The following PCDHA8 variants were observed in gnomAD, a reference collection of about 807,000 sequenced individuals.
PCDHA8 encodes protocadherin alpha-8.
In PCDHA8, 53 loss-of-function variants were observed where a neutral mutation model predicts 61.8. That is an observed-to-expected ratio of 0.86 (90% confidence interval 0.69 to 1.08). The LOEUF is 1.08. Ranked by LOEUF, PCDHA8 falls within the 50% of genes least tolerant of loss-of-function variation. The pLI is 0.00. For synonymous variants in PCDHA8, 618 were observed against 556.6 expected (o/e 1.11, Z -1.55); for missense variants, 1,293 against 1,245.0 (o/e 1.04, Z -0.58).
At chr5:141,006,689 G>C (rs1249412460) in intron 3 of PCDHA8, among the ~76,000 whole-genome samples, 3 of 152,072 alleles carry the variant, frequency 2.0e-5, no homozygotes, top group African/African-American at 7.2e-5. Flanking sequence ...TGGGAGAAGA[G>C]GACAGAGTCA....
In PCDHA8 at chr5:140,989,027, CATT is replaced by C. The variant is rs1413017003; in HGVS notation, c.2542+6465_2542+6467del. The C allele has an allele frequency of 1.4e-4, 22 of 152,178 alleles. 1 individual carries two copies. The highest frequency in any genetic ancestry group is 1.4e-3 in the Admixed American group (22 of 15,274). The allele number at this position is 152,178 out of a possible 1,614,324, so 9.4% of individuals were successfully genotyped here. A position where few individuals can be genotyped will look rare whatever the true frequency, so the allele number is the denominator to read the frequency against. ...GACTTATTATAGTTTCTTCAGTTAT[CATT>C]GATTCCTTTAATATGCCAGCTACAT... On this transcript the variant is annotated intron_variant, in intron 3 of 3. Transcript: ENST00000531613.
intron 1 of PCDHA8, among the ~76,000 whole-genome samples, chr5:140,890,240 A>C (rs1554184230): frequency 6.6e-6 from 1 of 152,138 alleles, no homozygotes; most frequent in African/African-American, 2.4e-5. Flanking sequence ...AGCATTTACC[A>C]GTACACTACT....
chr5:140,984,359 T>A (rs1372089743), intron 3 of PCDHA8, among the ~76,000 whole-genome samples: 1 of 152,242 alleles, frequency 6.6e-6, no homozygotes, highest in Non-Finnish European at 1.5e-5. Flanking sequence ...ATTTCATACA[T>A]CTGGCCAAGT....
intron 1 of PCDHA8, among the ~76,000 whole-genome samples, chr5:140,972,732 C>T (rs2096552874): frequency 1.3e-5 from 2 of 149,646 alleles, no homozygotes; most frequent in Non-Finnish European, 3.0e-5. Flanking sequence ...GGCGTAATCC[C>T]GGCTCACTGC....
intron 1 of PCDHA8, chr5:140,857,553 C>A: frequency 1.3e-6 from 2 of 1,597,008 alleles, no homozygotes; most frequent in Non-Finnish European, 1.7e-6. Flanking sequence ...GGCGAGCGCT[C>A]GCTGTCGAGC....
Position 141,011,633 on chromosome 5 carries a change from G to C in PCDHA8, c.*1696G>C, listed in dbSNP as rs988824031. On this transcript the variant is annotated 3_prime_UTR_variant, in exon 4 of 4. Coordinates refer to ENST00000531613, the MANE Select transcript of PCDHA8 (RefSeq NM_018911.3). ...TTATGGTCCAGCCAAGAGCCATCTC[G>C]TGCCAAGACTTCTGCTGGCAAGGGA... 6.5e-6 allele frequency: 1 copy of C among 153,624 alleles called. No homozygotes were observed. Among genetic ancestry groups the C allele is most frequent in the Non-Finnish European group, 1.5e-5 (1 of 68,022 alleles). 9.5% of individuals were successfully genotyped at this position (153,624 alleles called of 1,614,324 possible). A position where few individuals can be genotyped will look rare whatever the true frequency, so the allele number is the denominator to read the frequency against.
chr5:140,852,582 ATT>A (rs527656692), intron 1 of PCDHA8: 197 of 691,142 alleles, frequency 2.9e-4, no homozygotes, highest in Middle Eastern at 7.5e-4. Context: ...AGGCTTTTTT[ATT>A]TTTTTTTTTT....
chr5:140,856,559 C>T (rs782226001), intron 1 of PCDHA8: 3 of 1,598,104 alleles, frequency 1.9e-6, no homozygotes, highest in Non-Finnish European at 2.6e-6. Context: ...TACTTACAAA[C>T]TCAGTCCAAA....
At chr5:140,867,257 T>C (rs1396352368) in intron 1 of PCDHA8, 1 of 152,138 alleles carries the variant, frequency 6.6e-6, no homozygotes, top group Non-Finnish European at 1.5e-5. Flanking sequence ...TGTTGTTTCC[T>C]TTTGTTCAAA....
chr5:140,942,589 T>G (rs1444015331), intron 1 of PCDHA8, among the ~76,000 whole-genome samples: 1 of 148,934 alleles, frequency 6.7e-6, no homozygotes, highest in Non-Finnish European at 1.5e-5. Flanking sequence ...GGATGTCACA[T>G]ATAATTATAG....
chr5:140,967,156 G>T, intron 1 of PCDHA8: 1 of 1,610,540 alleles, frequency 6.2e-7, no homozygotes, highest in Non-Finnish European at 8.5e-7. Context: ...ACCCCGTGGC[G>T]GTGAGCGCCG....
At chr5:140,887,284 G>T (rs1374515637) in intron 1 of PCDHA8, among the ~76,000 whole-genome samples, 1 of 152,044 alleles carries the variant, frequency 6.6e-6, no homozygotes, top group Non-Finnish European at 1.5e-5. Context: ...TTTTAGTAGA[G>T]ATGGGGTTTC....
intron 1 of PCDHA8, among the ~76,000 whole-genome samples, chr5:140,933,506 G>A (rs2089196836): frequency 6.6e-6 from 1 of 151,944 alleles, no homozygotes; most frequent in Non-Finnish European, 1.5e-5. Flanking sequence ...GTTAAGCAAA[G>A]ACTACAGCTG....
At chr5:140,848,439 G>T in intron 1 of PCDHA8, 4 of 1,486,148 alleles carry the variant, frequency 2.7e-6, no homozygotes, top group South Asian at 2.5e-5. Flanking sequence ...GAAATCAGAT[G>T]ATTTCTTCTA....
intron 1 of PCDHA8, among the ~76,000 whole-genome samples, chr5:140,941,263 T>TTC (rs2092992439): frequency 7.5e-6 from 1 of 133,334 alleles, no homozygotes; most frequent in Non-Finnish European, 1.6e-5. Flanking sequence ...TTCTCTTTCT[T>TTC]TCTTTCTTTC....
intron 1 of PCDHA8, among the ~76,000 whole-genome samples, chr5:140,886,777 G>A (rs2061124221): frequency 1.4e-5 from 2 of 140,408 alleles, no homozygotes; most frequent in South Asian, 4.7e-4. Flanking sequence ...AGTGAGATGA[G>A]ATCATGCTAC....
chr5:140,859,369 T>C (rs1469149070), intron 1 of PCDHA8: 1 of 262,962 alleles, frequency 3.8e-6, no homozygotes, highest in Non-Finnish European at 7.0e-6. Flanking sequence ...TATTGTATAG[T>C]TTAATAGCTT....
At chr5:140,939,894 T>A (rs1554213013) in intron 1 of PCDHA8, among the ~76,000 whole-genome samples, 1 of 152,220 alleles carries the variant, frequency 6.6e-6, no homozygotes, top group African/African-American at 2.4e-5. Flanking sequence ...TGTTCAAATA[T>A]TCTGCATTCT....
chr5:140,882,036 G>C, intron 1 of PCDHA8: 1 of 646,228 alleles, frequency 1.5e-6, no homozygotes. Context: ...AAAATATGAA[G>C]ACTGAGTCAT....
Sources: allele counts gnomAD v4.1 joint callset (sites outside exome capture counted in the v4.1 genomes callset), GRCh38; gene constraint gnomAD v4.1.1; transcripts MANE v1.5; gene names NCBI Gene and HGNC (gene_info 2026-07-23, HGNC 2026-07-21).